LRRC18: variants seen among roughly 807,000 people sequenced by gnomAD.
LRRC18 encodes the protein leucine-rich repeat-containing protein 18.
In LRRC18, 12 loss-of-function variants were observed where a neutral mutation model predicts 11.2. The ratio of observed to expected loss-of-function variants is 1.07; its 90% CI spans 0.69 to 1.74. The LOEUF (loss-of-function observed/expected upper bound fraction) is 1.74, where lower values mean the gene tolerates loss of function less well. LRRC18 is among the 40% of genes most tolerant of loss of function. The probability of loss-of-function intolerance (pLI) is 0.00; values close to 1 mark genes in which losing one functional copy is unlikely to be tolerated. For synonymous variants in LRRC18, 155 were observed against 130.6 expected, an observed-to-expected ratio of 1.19 and a Z score of -1.27; for missense variants, 374 against 330.5, an observed-to-expected ratio of 1.13 and a Z score of -1.02.
chr10:48,937,113 C>T, the LRRC18 span, among the ~76,000 whole-genome samples: 2 of 151,958 alleles, frequency 1.3e-5, no homozygotes, highest in Non-Finnish European at 2.9e-5. Flanking sequence ...AGGCTGGTCT[C>T]GAACTCCTGA....
the LRRC18 span, among the ~76,000 whole-genome samples, chr10:48,931,839 G>A: frequency 2.0e-5 from 3 of 152,210 alleles, no homozygotes; most frequent in Admixed American, 2.0e-4. Context: ...GCTTTCCTTA[G>A]GACTTTGTGC....
At chr10:48,937,925 C>G in the LRRC18 span, among the ~76,000 whole-genome samples, 1 of 152,114 alleles carries the variant, frequency 6.6e-6, no homozygotes, top group Non-Finnish European at 1.5e-5. Context: ...CACACTCTAC[C>G]CCTGCCACAC....
At chr10:48,927,527 G>T in the LRRC18 span, among the ~76,000 whole-genome samples, 1 of 152,118 alleles carries the variant, frequency 6.6e-6, no homozygotes, top group South Asian at 2.1e-4. Flanking sequence ...AAATTCTCAG[G>T]TTCACTTCAT....
the LRRC18 span, among the ~76,000 whole-genome samples, chr10:48,923,974 C>G: frequency 6.6e-6 from 1 of 152,212 alleles, no homozygotes; most frequent in African/African-American, 2.4e-5. Flanking sequence ...TGAGAAGAAG[C>G]CCTCCCAGCT....
At chr10:48,918,313 C>A (rs1307174772), upstream of LRRC18, among the ~76,000 whole-genome samples, 4 of 152,038 alleles carry the variant, frequency 2.6e-5, no homozygotes, top group Non-Finnish European at 5.9e-5. Flanking sequence ...AAGAAAAAGA[C>A]CCAATTGTAT....
the LRRC18 span, among the ~76,000 whole-genome samples, chr10:48,931,117 AC>A: frequency 6.6e-6 from 1 of 151,540 alleles, no homozygotes; most frequent in African/African-American, 2.4e-5. Context: ...ACACACACAC[AC>A]ACACACACAC....
chr10:48,922,474 A>G, the LRRC18 span, among the ~76,000 whole-genome samples: 2 of 152,258 alleles, frequency 1.3e-5, no homozygotes, highest in Non-Finnish European at 2.9e-5. Flanking sequence ...GCTAACATCT[A>G]CAGCAAGAAT....
At chr10:48,937,146 G>A in the LRRC18 span, among the ~76,000 whole-genome samples, 1 of 151,972 alleles carries the variant, frequency 6.6e-6, no homozygotes, top group African/African-American at 2.4e-5. Context: ...CGCCCACCTC[G>A]GCCTCCCAGA....
chr10:48,913,335 T>G, intron 1 of LRRC18, 57 bp downstream of exon 3: 6 of 1,533,760 alleles, frequency 3.9e-6, no homozygotes, highest in Admixed American at 3.7e-5. Flanking sequence ...GGTAGCCCAC[T>G]GCCCTCTTCC....
At chr10:48,934,688 C>T in the LRRC18 span, among the ~76,000 whole-genome samples, 25 of 152,322 alleles carry the variant, frequency 1.6e-4, no homozygotes, top group South Asian at 8.3e-4. Context: ...TTACAGTAAG[C>T]GGTAATCAGG....
chr10:48,938,959 C>A, the LRRC18 span, among the ~76,000 whole-genome samples: 1 of 152,212 alleles, frequency 6.6e-6, no homozygotes, highest in Non-Finnish European at 1.5e-5. Flanking sequence ...GTAACCGCCA[C>A]AATCCTCACT....
the LRRC18 span, among the ~76,000 whole-genome samples, chr10:48,939,484 C>T: frequency 1.3e-5 from 2 of 152,334 alleles, no homozygotes; most frequent in South Asian, 2.1e-4. Context: ...CCTGACTTCA[C>T]AGCCAGAGCT....
chr10:48,935,375 C>T, the LRRC18 span, among the ~76,000 whole-genome samples: 44 of 152,332 alleles, frequency 2.9e-4, no homozygotes, highest in African/African-American at 9.1e-4. Flanking sequence ...CCAGGGCTCA[C>T]CCCCTGTGAT....
chr10:48,921,736 CAA>C, the LRRC18 span, among the ~76,000 whole-genome samples: 1 of 151,828 alleles, frequency 6.6e-6, no homozygotes, highest in Non-Finnish European at 1.5e-5. Context: ...AGAAAGCAAA[CAA>C]TACAATTTTT....
chr10:48,918,148 A>G (rs568643442), upstream of LRRC18, among the ~76,000 whole-genome samples: 37 of 152,328 alleles, frequency 2.4e-4, no homozygotes, highest in Middle Eastern at 6.8e-3. Flanking sequence ...AAAAATTCAA[A>G]TAATACAAAG....
chr10:48,927,223 C>T, the LRRC18 span, among the ~76,000 whole-genome samples: 7 of 152,138 alleles, frequency 4.6e-5, no homozygotes, highest in Non-Finnish European at 7.4e-5. Flanking sequence ...ATGCCTCCCC[C>T]GAACCCTCCC....
the LRRC18 span, among the ~76,000 whole-genome samples, chr10:48,923,506 A>ATATATATATATATATGTATGTATG: frequency 5.3e-4 from 61 of 114,944 alleles, 8 homozygotes; most frequent in East Asian, 7.2e-3. Flanking sequence ...GTATATATAT[A>ATATATATATATATATGTATGTATG]TATATATGTC....
At chr10:48,910,207 A>C (rs1225079973) in exon 2 of LRRC18, 1 of 1,177,284 alleles carries the variant, frequency 8.5e-7, no homozygotes, top group Non-Finnish European at 1.2e-6. Flanking sequence ...CTGTTAGCTG[A>C]GTAGTCTTCA....
chr10:48,926,830 C>G, the LRRC18 span, among the ~76,000 whole-genome samples: 1 of 152,342 alleles, frequency 6.6e-6, no homozygotes. Context: ...CGAGCCAGTT[C>G]ACTTCATAGG....
Sources: gnomAD v4.1 joint callset for allele counts (sites outside exome capture counted in the v4.1 genomes callset) on GRCh38, gnomAD v4.1.1 for gene constraint, MANE v1.5 for transcripts, NCBI Gene and HGNC (gene_info 2026-07-23, HGNC 2026-07-21) for gene names.